THSD7B: variants seen among roughly 807,000 people sequenced by gnomAD.
THSD7B encodes the protein thrombospondin type-1 domain-containing protein 7B.
In THSD7B, 138 loss-of-function variants were observed where a neutral mutation model predicts 213.6. The ratio of observed to expected loss-of-function variants is 0.65; its 90% CI spans 0.56 to 0.74. THSD7B has a LOEUF of 0.74. THSD7B is among the 30% of genes least tolerant of loss of function. The pLI is 0.00. For missense variants in THSD7B, 1,931 were observed against 1,991.5 expected (o/e 0.97, Z 0.58); for synonymous variants, 742 against 687.0 (o/e 1.08, Z -1.25).
intron 12 of THSD7B, among the ~76,000 whole-genome samples, chr2:137,325,548 G>A (rs978748925): frequency 3.9e-5 from 6 of 152,150 alleles, no homozygotes; most frequent in South Asian, 2.1e-4. Flanking sequence ...ACCTCAGAGA[G>A]CTGTTTTGTG....
intron 12 of THSD7B, among the ~76,000 whole-genome samples, chr2:137,351,744 G>A (rs1247344653): frequency 1.3e-5 from 2 of 151,840 alleles, no homozygotes; most frequent in Non-Finnish European, 2.9e-5. Flanking sequence ...GGGGATGAAA[G>A]GCTTGGAGAT....
At chr2:137,402,680 A>G (rs1686397757) in intron 12 of THSD7B, among the ~76,000 whole-genome samples, 1 of 151,990 alleles carries the variant, frequency 6.6e-6, no homozygotes, top group East Asian at 1.9e-4. Flanking sequence ...TTAGCCAGGC[A>G]TGGTAGACAG....
intron 1 of THSD7B, among the ~76,000 whole-genome samples, chr2:136,806,596 G>A (rs1464623376): frequency 6.6e-6 from 1 of 152,178 alleles, no homozygotes; most frequent in Non-Finnish European, 1.5e-5. Context: ...GAGATGCGAA[G>A]ATAGTACAAA....
chr2:137,572,279 C>T (rs1681369447), intron 16 of THSD7B, 127 bp from the exon 17 acceptor site: 1 of 1,157,438 alleles, frequency 8.6e-7, no homozygotes, highest in Non-Finnish European at 1.2e-6. Flanking sequence ...GTTTTGTTCC[C>T]CTTGGTTTCT....
At chr2:137,177,808 C>T (rs1395848089) in intron 7 of THSD7B, among the ~76,000 whole-genome samples, 1 of 152,098 alleles carries the variant, frequency 6.6e-6, no homozygotes, top group Non-Finnish European at 1.5e-5. Flanking sequence ...CAGTGGCTCA[C>T]ACCTGTAATT....
intron 3 of THSD7B, among the ~76,000 whole-genome samples, chr2:137,072,638 G>A (rs544606191): frequency 1.3e-5 from 2 of 152,194 alleles, no homozygotes; most frequent in African/African-American, 4.8e-5. Context: ...TTCCAACACT[G>A]TGTTGAATAG....
chr2:137,567,131 C>CTTTATTTTATTTTAT (rs1681253995), intron 16 of THSD7B, among the ~76,000 whole-genome samples: 1 of 131,928 alleles, frequency 7.6e-6, no homozygotes, highest in Non-Finnish European at 1.7e-5. Flanking sequence ...GAGTGACATG[C>CTTTATTTTATTTTAT]TCTATTTTAT....
intron 7 of THSD7B, among the ~76,000 whole-genome samples, chr2:137,202,674 G>A (rs1321688260): frequency 1.3e-5 from 2 of 152,164 alleles, no homozygotes; most frequent in Non-Finnish European, 2.9e-5. Flanking sequence ...TAAATACAGG[G>A]TTATGTAGGG....
At chr2:136,804,922 A>G (rs184407904) in intron 1 of THSD7B, among the ~76,000 whole-genome samples, 7 of 152,266 alleles carry the variant, frequency 4.6e-5, no homozygotes, top group African/African-American at 1.7e-4. Context: ...TGGTGTCCCT[A>G]CAGTCATTCA....
chr2:137,233,837 TGG>T (rs2105057062), intron 9 of THSD7B, among the ~76,000 whole-genome samples: 1 of 152,208 alleles, frequency 6.6e-6, no homozygotes, highest in African/African-American at 2.4e-5. Flanking sequence ...GTGGGAAGGC[TGG>T]TAAAGAAGAA....
At chr2:137,551,683 G>T (rs747336305) in intron 15 of THSD7B, among the ~76,000 whole-genome samples, 3 of 151,800 alleles carry the variant, frequency 2.0e-5, no homozygotes, top group Non-Finnish European at 4.4e-5. Context: ...TTCATTTTTT[G>T]GTTCTTAATA....
At chr2:137,649,097 GCC>G (rs1211529660) in intron 21 of THSD7B, among the ~76,000 whole-genome samples, 1 of 151,966 alleles carries the variant, frequency 6.6e-6, no homozygotes, top group Non-Finnish European at 1.5e-5. Context: ...CAGGTATTTT[GCC>G]CATTTTTAAA....
intron 1 of THSD7B, among the ~76,000 whole-genome samples, chr2:136,777,075 G>GT (rs1163701910): frequency 6.6e-6 from 1 of 152,098 alleles, no homozygotes; most frequent in Admixed American, 6.6e-5. Context: ...AGGGGTAGAA[G>GT]GAAAGAAATA....
intron 14 of THSD7B, among the ~76,000 whole-genome samples, chr2:137,428,754 G>A (rs1344625551): frequency 6.6e-6 from 1 of 152,098 alleles, no homozygotes; most frequent in Non-Finnish European, 1.5e-5. Context: ...TACTTCTATG[G>A]TCTGAATGTG....
chr2:137,062,359 C>A (rs1271021960), intron 3 of THSD7B, among the ~76,000 whole-genome samples: 1 of 150,240 alleles, frequency 6.7e-6, no homozygotes, highest in Non-Finnish European at 1.5e-5. Context: ...TTTATTATTT[C>A]TTTTCTTCTG....
chr2:137,604,326 C>T (rs1682132151), intron 17 of THSD7B, among the ~76,000 whole-genome samples: 1 of 152,018 alleles, frequency 6.6e-6, no homozygotes. Context: ...TATGTCTTTA[C>T]TGTCAATAAT....
chr2:137,555,013 T>C (rs1680926701), intron 15 of THSD7B, among the ~76,000 whole-genome samples: 2 of 152,260 alleles, frequency 1.3e-5, no homozygotes, highest in Non-Finnish European at 1.5e-5. Flanking sequence ...CCCACCATTG[T>C]TGAGGCTTGA....
intron 3 of THSD7B, among the ~76,000 whole-genome samples, chr2:137,085,434 T>C (rs1040073688): frequency 6.6e-6 from 1 of 152,106 alleles, no homozygotes; most frequent in African/African-American, 2.4e-5. Context: ...AATATTTTAT[T>C]ATTGTCAATT....
intron 12 of THSD7B, among the ~76,000 whole-genome samples, chr2:137,325,117 A>G (rs1352729667): frequency 6.6e-6 from 1 of 151,934 alleles, no homozygotes; most frequent in East Asian, 1.9e-4. Context: ...CAGGTTAATA[A>G]CTCATCTCTC....
Sources: gnomAD v4.1 joint callset for allele counts (sites outside exome capture counted in the v4.1 genomes callset) on GRCh38, gnomAD v4.1.1 for gene constraint, MANE v1.5 for transcripts, NCBI Gene and HGNC (gene_info 2026-07-23, HGNC 2026-07-21) for gene names.